CIMIP2A: variants seen among roughly 807,000 people sequenced by gnomAD.
CIMIP2A encodes the protein family with sequence similarity 166 member A.
At chr9:137,253,054 G>A in the CIMIP2A span, 10 of 1,537,828 alleles carry the variant, frequency 6.5e-6, no homozygotes, top group African/African-American at 8.2e-5. Context: ...GTGGGAACTG[G>A]GAGCCAGGTT....
At chr9:137,244,654 G>A in the CIMIP2A span, 14,209 of 1,613,812 alleles carry the variant, frequency 8.8e-3, 89 homozygotes, top group Non-Finnish European at 0.011. Context: ...GGCTCTTGTC[G>A]AATTCGTCCA....
At chr9:137,245,574 G>A in the CIMIP2A span, 1 of 1,613,700 alleles carries the variant, frequency 6.2e-7, no homozygotes, top group Non-Finnish European at 8.5e-7. Flanking sequence ...CAACAGGGCA[G>A]CCTGTGAGTG....
the CIMIP2A span, among the ~76,000 whole-genome samples, chr9:137,249,200 A>G: frequency 1.3e-5 from 2 of 152,212 alleles, no homozygotes; most frequent in Non-Finnish European, 2.9e-5. Context: ...CGTAAATATA[A>G]GGGCATAAAG....
chr9:137,244,322 C>G, the CIMIP2A span: 1 of 1,612,212 alleles, frequency 6.2e-7, no homozygotes, highest in Non-Finnish European at 8.5e-7. Flanking sequence ...CAAGCTCCCT[C>G]CCCGGCAGGC....
the CIMIP2A span, chr9:137,251,472 G>A: frequency 1.6e-6 from 2 of 1,223,142 alleles, no homozygotes; most frequent in Non-Finnish European, 1.2e-6. Flanking sequence ...GTGGGGGGCA[G>A]GTTGCTGGGC....
At chr9:137,245,232 G>T in the CIMIP2A span, 1 of 1,576,656 alleles carries the variant, frequency 6.3e-7, no homozygotes, top group Non-Finnish European at 8.6e-7. Flanking sequence ...GAGCGGGGAG[G>T]AAGCGGAGGT....
chr9:137,251,924 C>A, the CIMIP2A span: 6 of 1,599,692 alleles, frequency 3.8e-6, no homozygotes, highest in South Asian at 6.7e-5. Context: ...CACCCCACCC[C>A]CAAGCTGGTC....
the CIMIP2A span, among the ~76,000 whole-genome samples, chr9:137,254,621 G>C: frequency 1.3e-5 from 2 of 152,266 alleles, no homozygotes; most frequent in African/African-American, 4.8e-5. Context: ...AGACCGAAAA[G>C]AGAGAGGGTG....
the CIMIP2A span, among the ~76,000 whole-genome samples, chr9:137,254,033 T>C: frequency 6.6e-6 from 1 of 152,054 alleles, no homozygotes; most frequent in African/African-American, 2.4e-5. Context: ...TTGTCATCAC[T>C]GGCCTGCCCT....
chr9:137,251,275 C>CA, the CIMIP2A span: 11 of 1,576,852 alleles, frequency 7.0e-6, no homozygotes, highest in African/African-American at 1.5e-4. Flanking sequence ...GGAAGAGAGC[C>CA]AGGAGACTCT....
At chr9:137,247,325 T>C in the CIMIP2A span, among the ~76,000 whole-genome samples, 294 of 152,344 alleles carry the variant, frequency 1.9e-3, 3 homozygotes, top group East Asian at 0.017. Flanking sequence ...TGTGGAGTCC[T>C]CTCTGGAGTG....
the CIMIP2A span, chr9:137,244,035 C>A: frequency 1.0e-6 from 1 of 1,002,724 alleles, no homozygotes; most frequent in Non-Finnish European, 1.5e-6. Context: ...GGCAGACAAT[C>A]CTACCCCAAC....
chr9:137,245,031 T>A, the CIMIP2A span: 1 of 1,609,776 alleles, frequency 6.2e-7, no homozygotes, highest in Non-Finnish European at 8.5e-7. Flanking sequence ...GCTCTCACAC[T>A]GCAAGAACCT....
chr9:137,244,769 G>A, the CIMIP2A span: 8 of 1,603,944 alleles, frequency 5.0e-6, no homozygotes, highest in Non-Finnish European at 6.0e-6. Context: ...GCTACCCCAA[G>A]CCCCCTTAGC....
At chr9:137,245,433 G>A in the CIMIP2A span, 33 of 1,613,790 alleles carry the variant, frequency 2.0e-5, no homozygotes, top group South Asian at 3.3e-5. Context: ...GCGGGGTGTC[G>A]GGCGTGAAGC....
chr9:137,244,355 A>G, the CIMIP2A span: 6 of 1,606,198 alleles, frequency 3.7e-6, no homozygotes, highest in South Asian at 3.3e-5. Context: ...AAGTTGTCCC[A>G]GTGGGGGCCT....
the CIMIP2A span, chr9:137,251,073 C>T: frequency 1.7e-6 from 1 of 573,448 alleles, no homozygotes; most frequent in Non-Finnish European, 3.1e-6. Flanking sequence ...GAGGGCTGGG[C>T]CAGGAGTCAC....
the CIMIP2A span, chr9:137,245,589 G>A: frequency 1.2e-6 from 2 of 1,613,520 alleles, no homozygotes; most frequent in African/African-American, 2.7e-5. Flanking sequence ...TGAGTGCCGG[G>A]ACAGGCAGGC....
At chr9:137,246,310 G>A in the CIMIP2A span, among the ~76,000 whole-genome samples, 1 of 152,216 alleles carries the variant, frequency 6.6e-6, no homozygotes, top group African/African-American at 2.4e-5. Flanking sequence ...CAGGAGGCCA[G>A]TAGCCTCCTG....
Sources: allele counts gnomAD v4.1 joint callset (sites outside exome capture counted in the v4.1 genomes callset), GRCh38; gene constraint gnomAD v4.1.1; transcripts MANE v1.5; gene names NCBI Gene and HGNC (gene_info 2026-07-23, HGNC 2026-07-21).